REEP3: variants seen among roughly 807,000 people sequenced by gnomAD.
The protein encoded by REEP3 is receptor expression-enhancing protein 3.
REEP3 carries 20 observed loss-of-function variants against 41.3 expected under a neutral mutation model. The ratio of observed to expected loss-of-function variants is 0.48; its 90% CI spans 0.34 to 0.70. REEP3 has a LOEUF of 0.70. Among genes scored for constraint, REEP3 ranks in the 30% least tolerant of loss-of-function variants. The pLI is 0.01. For synonymous variants in REEP3, 104 were observed against 101.8 expected, an observed-to-expected ratio of 1.02 and a Z score of -0.13; for missense variants, 271 against 308.8, an observed-to-expected ratio of 0.88 and a Z score of 0.92.
chr10:63,521,617 C>G, intron 1 of REEP3, 40 bp downstream of exon 1: 1 of 1,371,736 alleles, frequency 7.3e-7, no homozygotes, highest in Non-Finnish European at 9.6e-7. Context: ...GGCGCGAGGC[C>G]CAGGGGAGCT....
At chr10:63,549,287 GC>G (rs1955606230) in intron 1 of REEP3, among the ~76,000 whole-genome samples, 1 of 152,252 alleles carries the variant, frequency 6.6e-6, no homozygotes, top group African/African-American at 2.4e-5. Flanking sequence ...AGAAAGAACA[GC>G]CAGGTGTGGT....
intron 1 of REEP3, among the ~76,000 whole-genome samples, chr10:63,554,621 A>G (rs1955660520): frequency 6.6e-6 from 1 of 152,166 alleles, no homozygotes; most frequent in Non-Finnish European, 1.5e-5. Context: ...AATCTCTCTA[A>G]GCCTTACTTT....
Position 63,547,483 on chromosome 10 carries a change from A to G in REEP3, c.33-18855A>G, listed in dbSNP as rs191518652. Among the ~76,000 whole-genome samples, 26 of 152,326 alleles carry G rather than the reference A, an allele frequency of 1.7e-4. 1 individual carries two copies. The East Asian group carries it at 4.4e-3, about 26-fold the overall frequency. ...CCAAAAAAGGGGTGGGGTGCATGCA[A>G]GTAGCCAAGAAACATAGGAAAAGGT... On this transcript the variant is annotated intron_variant, in intron 1 of 7. Coordinates refer to ENST00000373758, the MANE Select transcript of REEP3 (RefSeq NM_001001330.3).
chr10:63,603,034 C>T (rs1372664451), intron 5 of REEP3, among the ~76,000 whole-genome samples: 1 of 152,058 alleles, frequency 6.6e-6, no homozygotes, highest in Non-Finnish European at 1.5e-5. Context: ...CCACCCATGG[C>T]TGGGCGCAGT....
intron 1 of REEP3, among the ~76,000 whole-genome samples, chr10:63,563,208 A>G (rs1278014347): frequency 6.6e-6 from 1 of 152,244 alleles, no homozygotes; most frequent in Non-Finnish European, 1.5e-5. Flanking sequence ...GCCCTAGCAA[A>G]CTAATACAGT....
At chr10:63,582,757 C>G (rs1955966706) in intron 2 of REEP3, among the ~76,000 whole-genome samples, 1 of 151,754 alleles carries the variant, frequency 6.6e-6, no homozygotes, top group African/African-American at 2.4e-5. Context: ...CTTTCTGCAG[C>G]CTCTGTGTAC....
At chr10:63,601,494 G>C (rs1044985660) in intron 5 of REEP3, among the ~76,000 whole-genome samples, 1 of 152,174 alleles carries the variant, frequency 6.6e-6, no homozygotes, top group Non-Finnish European at 1.5e-5. Context: ...TTCCCAAAGA[G>C]AACACCACAC....
intron 1 of REEP3, among the ~76,000 whole-genome samples, chr10:63,525,879 A>G (rs1294824968): frequency 6.6e-6 from 1 of 152,204 alleles, no homozygotes; most frequent in Non-Finnish European, 1.5e-5. Flanking sequence ...TAAGATCAAG[A>G]TAAAAGCCAG....
At position 63,581,585 on chromosome 10, in the gene REEP3, A is replaced by G. The variant is rs544449236; in HGVS notation, c.106-13193A>G. ...GCAAGACTCTGTCTCTACAGAAAATAAGGAAAAATTAGCTGGGCGTGGTGG... is the reference window on the plus strand; with the variant it reads ...GCAAGACTCTGTCTCTACAGAAAATGAGGAAAAATTAGCTGGGCGTGGTGG... On this transcript the variant is annotated intron_variant, in intron 2 of 7. Transcript: ENST00000373758. Among the ~76,000 whole-genome samples the G allele has an allele frequency of 5.9e-5, 9 of 152,098 alleles. No individual in the cohort carries two copies. The South Asian group carries it at 1.9e-3, about 32-fold the overall frequency.
chr10:63,597,174 G>C (rs117749894), intron 3 of REEP3, among the ~76,000 whole-genome samples: 1 of 152,150 alleles, frequency 6.6e-6, no homozygotes, highest in African/African-American at 2.4e-5. Context: ...GAGGCCCACT[G>C]TAACACTTTG....
chr10:63,572,916 G>T (rs1025742019), intron 2 of REEP3, among the ~76,000 whole-genome samples: 1 of 152,168 alleles, frequency 6.6e-6, no homozygotes, highest in African/African-American at 2.4e-5. Context: ...TTCTTAAGTG[G>T]ATTGATCTAG....
intron 1 of REEP3, chr10:63,562,917 GGAGTT>G (rs1293229289): frequency 2.2e-6 from 1 of 456,462 alleles, no homozygotes; most frequent in Admixed American, 2.3e-5. Flanking sequence ...GACTACGTTT[GGAGTT>G]AAGTTATTTA....
chr10:63,603,463 T>G (rs1040914155), intron 5 of REEP3, among the ~76,000 whole-genome samples: 2 of 152,218 alleles, frequency 1.3e-5, no homozygotes, highest in African/African-American at 4.8e-5. Context: ...TTGTGATTTA[T>G]TCTTTTAATT....
intron 2 of REEP3, among the ~76,000 whole-genome samples, chr10:63,569,661 G>T (rs1290924695): frequency 6.6e-6 from 1 of 152,222 alleles, no homozygotes; most frequent in Middle Eastern, 3.4e-3. Flanking sequence ...AATAGGCTTG[G>T]CCACGTGCAG....
chr10:63,603,680 T>A (rs2133419755), intron 5 of REEP3, among the ~76,000 whole-genome samples: 1 of 152,322 alleles, frequency 6.6e-6, no homozygotes, highest in Middle Eastern at 3.4e-3. Flanking sequence ...CTTTTATCCA[T>A]AACATCCCTG....
At chr10:63,617,425 A>G (rs1956319914) in intron 6 of REEP3, among the ~76,000 whole-genome samples, 1 of 152,038 alleles carries the variant, frequency 6.6e-6, no homozygotes, top group South Asian at 2.1e-4. Context: ...TTTTTTTAAT[A>G]TGTATATTTT....
At chr10:63,535,856 G>C (rs1238281296) in intron 1 of REEP3, among the ~76,000 whole-genome samples, 1 of 152,164 alleles carries the variant, frequency 6.6e-6, no homozygotes, top group African/African-American at 2.4e-5. Context: ...TGTATTATCT[G>C]CCCAAGTGTA....
At chr10:63,616,445 A>C (rs1460213886) in intron 6 of REEP3, among the ~76,000 whole-genome samples, 3 of 152,218 alleles carry the variant, frequency 2.0e-5, no homozygotes, top group African/African-American at 4.8e-5. Flanking sequence ...AATTCAGCAC[A>C]CTGCCTCATT....
intron 1 of REEP3, among the ~76,000 whole-genome samples, chr10:63,555,581 T>C (rs1358652955): frequency 6.6e-6 from 1 of 152,196 alleles, no homozygotes; most frequent in East Asian, 1.9e-4. Context: ...TCTTTGTAAC[T>C]CTCTCTTCTT....
Sources: allele counts gnomAD v4.1 joint callset (sites outside exome capture counted in the v4.1 genomes callset), GRCh38; gene constraint gnomAD v4.1.1; transcripts MANE v1.5; gene names NCBI Gene and HGNC (gene_info 2026-07-23, HGNC 2026-07-21).